Variants in STS observed in about 807,000 individuals in gnomAD.
STS encodes steroid sulfatase.
Under a neutral mutation model 26.8 loss-of-function variants are expected in STS, and 7 were observed. The observed-to-expected ratio is 0.26, with a 90% CI of 0.15 to 0.49. The LOEUF (loss-of-function observed/expected upper bound fraction) is 0.49, where lower values mean the gene tolerates loss of function less well. Among genes scored for constraint, STS ranks in the 20% least tolerant of loss-of-function variants. The pLI, the probability that STS is intolerant of heterozygous loss-of-function variation, is 0.98. For missense variants in STS, 434 were observed against 465.6 expected, an observed-to-expected ratio of 0.93 and a Z score of 0.63; for synonymous variants, 199 against 189.4, an observed-to-expected ratio of 1.05 and a Z score of -0.42.
At chrX:7,217,546 T>C (rs1921359524) in intron 2 of STS, among the ~76,000 whole-genome samples, 1 of 112,057 alleles carries the variant, frequency 8.9e-6, no homozygotes, top group East Asian at 2.8e-4. Flanking sequence ...TTTGCCTTTT[T>C]ATTAAAATTG....
chrX:7,268,028 A>C (rs1292319513), intron 6 of STS, among the ~76,000 whole-genome samples: 1 of 110,551 alleles, frequency 9.0e-6, no homozygotes, highest in African/African-American at 3.3e-5. Context: ...TGAAAACAGT[A>C]AACCCTGCTC....
intron 10 of STS, among the ~76,000 whole-genome samples, chrX:7,335,395 A>G (rs1927968256): frequency 8.9e-6 from 1 of 112,336 alleles, no homozygotes; most frequent in Non-Finnish European, 1.9e-5. Context: ...TGTTGGCTGC[A>G]TAAATGTCTT....
chrX:7,349,775 T>C (rs1928704243), intron 10 of STS, 113 bp from the exon 11 acceptor site: 1 of 1,041,504 alleles, frequency 9.6e-7, no homozygotes, highest in African/African-American at 1.9e-5. Context: ...AGCCTTATGA[T>C]ATCTTCACCT....
At chrX:7,319,248 C>G (rs1447161413) in intron 8 of STS, among the ~76,000 whole-genome samples, 3 of 110,710 alleles carry the variant, frequency 2.7e-5, no homozygotes, top group African/African-American at 9.9e-5. Context: ...CCTCAAACTC[C>G]CAGTTTCAAG....
intron 2 of STS, among the ~76,000 whole-genome samples, chrX:7,250,501 T>C (rs1923089933): frequency 9.0e-6 from 1 of 111,588 alleles, no homozygotes; most frequent in African/African-American, 3.3e-5. Context: ...ACAAGGTTTT[T>C]GTTGTGATGG....
rs1198250390 is a variant in STS at position 7,147,775 on chromosome X, G to A, written c.-442G>A. ...TGGACCCCAGGGACTGCTCCCACGT[G>A]CTCCGGCCCCACGCGCGGGCCGCCG... is the stretch of plus-strand genomic sequence containing the variant. On this transcript the variant is annotated 5_prime_UTR_variant, in exon 1 of 11. Coordinates refer to ENST00000674429, the MANE Select transcript of STS (RefSeq NM_001320752.2). 7.9e-5 allele frequency: 9 copies of A among 114,315 alleles called. No homozygotes were observed. The highest frequency in any genetic ancestry group is 2.9e-4 in the African/African-American group (9 of 30,552). The allele number at this position is 114,315 out of a possible 1,213,427, so 9.4% of individuals were successfully genotyped here. A position where few individuals can be genotyped will look rare whatever the true frequency, so the allele number is the denominator to read the frequency against.
chrX:7,202,492 C>T (rs1254428746), intron 2 of STS, among the ~76,000 whole-genome samples: 1 of 111,739 alleles, frequency 8.9e-6, no homozygotes, highest in Non-Finnish European at 1.9e-5. Context: ...CCTCCTCTTC[C>T]GGGGAAGGGG....
intron 1 of STS, among the ~76,000 whole-genome samples, chrX:7,188,756 A>C (rs1387932037): frequency 9.0e-6 from 1 of 111,705 alleles, no homozygotes; most frequent in African/African-American, 3.3e-5. Context: ...AAAGGTGGGG[A>C]CAAAAAAAGG....
intron 6 of STS, among the ~76,000 whole-genome samples, chrX:7,272,497 C>T (rs773225910): frequency 1.2e-3 from 134 of 111,518 alleles, no homozygotes; most frequent in Non-Finnish European, 2.3e-3. Context: ...CAGAGGAATC[C>T]TTGCTCTAGA....
chrX:7,154,636 C>G (rs928791011), intron 1 of STS, among the ~76,000 whole-genome samples: 1 of 112,023 alleles, frequency 8.9e-6, no homozygotes, highest in South Asian at 3.7e-4. Flanking sequence ...AGAGTTCAAC[C>G]TCTGTTGGTC....
chrX:7,339,135 A>C (rs1199925353), intron 10 of STS, among the ~76,000 whole-genome samples: 4 of 112,289 alleles, frequency 3.6e-5, no homozygotes, highest in African/African-American at 6.5e-5. Flanking sequence ...AGAAATTCTC[A>C]TAACAGCCAC....
At chrX:7,200,557 C>T (rs1227348462) in intron 2 of STS, among the ~76,000 whole-genome samples, 1 of 111,251 alleles carries the variant, frequency 9.0e-6, no homozygotes. Flanking sequence ...TTGGACCAAG[C>T]ATGAAAAAGA....
At chrX:7,258,545 G>GC (rs771832890) in intron 5 of STS, among the ~76,000 whole-genome samples, 19 of 111,806 alleles carry the variant, frequency 1.7e-4, no homozygotes, top group African/African-American at 5.5e-4. Context: ...CATGTAGATA[G>GC]GGTTGACACC....
At chrX:7,303,197 C>A (rs752090031) in intron 7 of STS, among the ~76,000 whole-genome samples, 1 of 110,872 alleles carries the variant, frequency 9.0e-6, no homozygotes, top group Non-Finnish European at 1.9e-5. Flanking sequence ...TGGTTTTATG[C>A]GGGGTTTCTG....
At chrX:7,306,868 A>G (rs892052712) in intron 8 of STS, among the ~76,000 whole-genome samples, 2 of 112,136 alleles carry the variant, frequency 1.8e-5, no homozygotes, top group Admixed American at 1.9e-4. Context: ...TGCAAACTGC[A>G]AGGAGCTCAG....
intron 9 of STS, 46 bp from the exon 10 acceptor site, chrX:7,333,940 A>G (rs754063791): frequency 1.7e-6 from 2 of 1,210,274 alleles, no homozygotes. Flanking sequence ...ACATTTGAGA[A>G]CACAGGACTG....
At chrX:7,212,352 T>TC (rs1279827745) in intron 2 of STS, among the ~76,000 whole-genome samples, 1 of 110,636 alleles carries the variant, frequency 9.0e-6, no homozygotes, top group Non-Finnish European at 1.9e-5. Context: ...GCACCTGTAA[T>TC]CCCCAGCTAC....
chrX:7,313,550 C>T (rs1473631412), intron 8 of STS, among the ~76,000 whole-genome samples: 5 of 112,480 alleles, frequency 4.4e-5, no homozygotes, highest in Non-Finnish European at 9.4e-5. Context: ...AAAGCTGCCT[C>T]TTCATGCTAG....
chrX:7,183,698 TA>T (rs1195715306), intron 1 of STS, among the ~76,000 whole-genome samples: 3 of 112,172 alleles, frequency 2.7e-5, no homozygotes, highest in Non-Finnish European at 5.6e-5. Flanking sequence ...AATCACCAAT[TA>T]GCTCTTTCAA....
Sources: allele counts gnomAD v4.1 joint callset (sites outside exome capture counted in the v4.1 genomes callset), GRCh38; gene constraint gnomAD v4.1.1; transcripts MANE v1.5; gene names NCBI Gene and HGNC (gene_info 2026-07-23, HGNC 2026-07-21).